Variants in SGIP1 observed in about 807,000 individuals in gnomAD.
SGIP1 encodes SH3-containing GRB2-like protein 3-interacting protein 1.
SGIP1 carries 38 observed loss-of-function variants against 107.5 expected under a neutral mutation model. The observed-to-expected ratio is 0.35, with a 90% CI of 0.27 to 0.46. The LOEUF is 0.46. Among genes scored for constraint, SGIP1 ranks in the 20% least tolerant of loss-of-function variants. The pLI, the probability that SGIP1 is intolerant of heterozygous loss-of-function variation, is 1.00. For missense variants in SGIP1, 929 were observed against 1,019.5 expected (o/e 0.91, Z 1.21); for synonymous variants, 365 against 366.1 (o/e 1.00, Z 0.03).
In SGIP1 at chr1:66,741,435, A is replaced by G. The variant is rs769978316; in HGVS notation, c.2463A>G (p.Ala821=). The G allele has an allele frequency of 5.1e-6, 8 of 1,562,136 alleles. No homozygotes were observed. Among genetic ancestry groups the G allele is most frequent in the Admixed American group, 1.9e-5 (1 of 52,200 alleles). ...CACTCATCAAGAAAAGGTTTGCTGC[A>G]GGTAAATGAGTATCTTGATTTTTTC... is the stretch of plus-strand genomic sequence containing the variant. ...RFSLIKKRFA[A]GKYLADN Residue 821 remains alanine (A), a splice_region_variant and synonymous_variant, in exon 24 of 25, where the codon GCA becomes GCG. Coordinates refer to ENST00000371037, the MANE Select transcript of SGIP1 (RefSeq NM_032291.4).
At chr1:66,637,731 G>A (rs959951651) in intron 4 of SGIP1, among the ~76,000 whole-genome samples, 2 of 149,792 alleles carry the variant, frequency 1.3e-5, no homozygotes, top group Non-Finnish European at 1.5e-5. Context: ...AGAAAAACAA[G>A]TATATATATA....
intron 1 of SGIP1, chr1:66,616,064 G>T (rs1204771833): frequency 6.6e-6 from 1 of 152,190 alleles, no homozygotes; most frequent in Non-Finnish European, 1.5e-5. Flanking sequence ...TGCACAAAGA[G>T]AAGGCTTCAT....
At position 66,562,709 on chromosome 1, in the gene SGIP1, G is replaced by T. The variant is rs1376820050; in HGVS notation, c.10+28341G>T. ...AAACTTGCCCCTGGGCAGAGCCAAG[G>T]AAAATCAAGGGGAAAGAAAAAATTG... is the stretch of plus-strand genomic sequence containing the variant. On this transcript the variant is annotated intron_variant, in intron 1 of 24. Coordinates refer to ENST00000371037, the MANE Select transcript of SGIP1 (RefSeq NM_032291.4). 2.0e-5 allele frequency among the ~76,000 whole-genome samples: 3 copies of T among 152,056 alleles called. No homozygotes were observed. The South Asian group carries it at 6.2e-4, about 31-fold the overall frequency.
intron 1 of SGIP1, among the ~76,000 whole-genome samples, chr1:66,539,948 G>C (rs1273811171): frequency 6.6e-6 from 1 of 152,024 alleles, no homozygotes; most frequent in Non-Finnish European, 1.5e-5. Flanking sequence ...GCAGAAATCT[G>C]GTCTACCATT....
chr1:66,715,873 G>A (rs1465692623), intron 18 of SGIP1, among the ~76,000 whole-genome samples: 1 of 152,000 alleles, frequency 6.6e-6, no homozygotes. Context: ...ATAAGTTCCA[G>A]TTCAGTACCT....
chr1:66,750,991 T>C lies in SGIP1; in HGVS notation c.*7896T>C, dbSNP rs1164312310. On this transcript the variant is annotated 3_prime_UTR_variant, in exon 25 of 25. Transcript: ENST00000371037. ...ATCACCTATTTCACAAAATCCTGAA[T>C]ATGCAATTATTTATTATGACACGTT... is the stretch of plus-strand genomic sequence containing the variant. 6.6e-6 allele frequency among the ~76,000 whole-genome samples: 1 copy of C among 152,240 alleles called. No homozygotes were observed. The highest frequency in any genetic ancestry group is 2.4e-5 in the African/African-American group (1 of 41,462).
At chr1:66,640,803 A>G (rs2076643387) in intron 5 of SGIP1, among the ~76,000 whole-genome samples, 1 of 150,506 alleles carries the variant, frequency 6.6e-6, no homozygotes, top group Admixed American at 6.7e-5. Flanking sequence ...CAACTCTGAG[A>G]ACTGAAGAAG....
intron 15 of SGIP1, among the ~76,000 whole-genome samples, chr1:66,683,760 G>A (rs1419938945): frequency 8.3e-6 from 1 of 120,908 alleles, no homozygotes; most frequent in Non-Finnish European, 1.6e-5. Context: ...CCAGGCTGGA[G>A]TGCAGTACAT....
At chr1:66,636,073 A>G in intron 4 of SGIP1, 58 bp downstream of exon 4, 1 of 1,508,898 alleles carries the variant, frequency 6.6e-7, no homozygotes, top group East Asian at 2.3e-5. Context: ...CAGTGAGTAA[A>G]ATCCCAATTT....
chr1:66,585,890 T>G (rs1343116830), intron 1 of SGIP1, among the ~76,000 whole-genome samples: 1 of 152,208 alleles, frequency 6.6e-6, no homozygotes, highest in East Asian at 1.9e-4. Flanking sequence ...TGTCTCCAAG[T>G]GCTCTGCGAA....
rs1435374718 is a variant in SGIP1 at position 66,635,970 on chromosome 1, C to T, written c.126C>T (p.Tyr42=). 3 of 1,613,826 alleles carry T rather than the reference C, an allele frequency of 1.9e-6. No homozygotes were observed. The highest frequency in any genetic ancestry group is 2.2e-5 in the East Asian group (1 of 44,856). ...GIQPSPHEPP[Y]NSKAECAREG... ...AGCCCAGCCCACACGAACCACCCTA[C>T]AATAGCAAAGCAGAGTGTGCGCGTG... The change falls in exon 4 of 25, where the codon TAC becomes TAT. Residue 42 remains tyrosine (Y), a synonymous_variant. Coordinates refer to ENST00000371037, the MANE Select transcript of SGIP1 (RefSeq NM_032291.4).
intron 19 of SGIP1, among the ~76,000 whole-genome samples, chr1:66,728,706 C>T (rs553474595): frequency 7.2e-5 from 11 of 152,110 alleles, no homozygotes; most frequent in African/African-American, 1.2e-4. Flanking sequence ...TCAACCTAAA[C>T]GGCCATCAAT....
At chr1:66,550,018 T>G (rs2057160902) in intron 1 of SGIP1, among the ~76,000 whole-genome samples, 1 of 152,182 alleles carries the variant, frequency 6.6e-6, no homozygotes, top group Admixed American at 6.6e-5. Context: ...TCCCAGTATC[T>G]TTGAGTTCTT....
intron 19 of SGIP1, among the ~76,000 whole-genome samples, chr1:66,724,806 A>C (rs1026733438): frequency 2.0e-5 from 3 of 152,220 alleles, no homozygotes; most frequent in African/African-American, 7.2e-5. Flanking sequence ...CATTTTGAGC[A>C]ACTTGGCAAG....
At chr1:66,652,453 A>G (rs1222194965) in intron 7 of SGIP1, among the ~76,000 whole-genome samples, 1 of 151,976 alleles carries the variant, frequency 6.6e-6, no homozygotes, top group Non-Finnish European at 1.5e-5. Context: ...TCTGGAAAGT[A>G]AGTGGTACAG....
At chr1:66,574,310 T>C (rs1203571536) in intron 1 of SGIP1, among the ~76,000 whole-genome samples, 1 of 152,034 alleles carries the variant, frequency 6.6e-6, no homozygotes, top group East Asian at 1.9e-4. Context: ...AAAGGCCTCT[T>C]GGAAAAGTGA....
At chr1:66,731,032 C>T (rs559861023) in intron 20 of SGIP1, among the ~76,000 whole-genome samples, 2 of 152,252 alleles carry the variant, frequency 1.3e-5, no homozygotes, top group South Asian at 2.1e-4. Context: ...TGACAAAAAC[C>T]GTAATTCCTT....
intron 1 of SGIP1, among the ~76,000 whole-genome samples, chr1:66,582,213 A>G (rs952377977): frequency 7.2e-5 from 11 of 152,086 alleles, no homozygotes; most frequent in Non-Finnish European, 1.3e-4. Flanking sequence ...TAAATTCTGA[A>G]TGAGACTAAG....
chr1:66,660,167 GAAAGAAA>G (rs2081040626), intron 7 of SGIP1: 1 of 100,222 alleles, frequency 1.0e-5, no homozygotes, highest in Non-Finnish European at 1.6e-5. Flanking sequence ...AAGAAAGAAA[GAAAGAAA>G]GAAAGAAAGA....
Sources: allele counts gnomAD v4.1 joint callset (sites outside exome capture counted in the v4.1 genomes callset), GRCh38; gene constraint gnomAD v4.1.1; transcripts MANE v1.5; gene names NCBI Gene and HGNC (gene_info 2026-07-23, HGNC 2026-07-21).